LRRTM4: variants seen among roughly 807,000 people sequenced by gnomAD.
The protein encoded by LRRTM4 is leucine rich repeat transmembrane neuronal 4.
In LRRTM4, 25 loss-of-function variants were observed where a neutral mutation model predicts 47.6. The ratio of observed to expected loss-of-function variants is 0.53; its 90% CI spans 0.38 to 0.73. The LOEUF (loss-of-function observed/expected upper bound fraction) is 0.73, where lower values mean the gene tolerates loss of function less well. Ranked by LOEUF, LRRTM4 falls within the 30% of genes least tolerant of loss-of-function variation. The pLI is 0.00. For synonymous variants in LRRTM4, 311 were observed against 269.5 expected (o/e 1.15, Z -1.51); for missense variants, 638 against 713.4 (o/e 0.89, Z 1.20).
intron 3 of LRRTM4, among the ~76,000 whole-genome samples, chr2:76,925,869 T>G (rs1674574396): frequency 6.6e-6 from 1 of 152,168 alleles, no homozygotes; most frequent in African/African-American, 2.4e-5. Flanking sequence ...CCTCACACAG[T>G]ATTTATAATG....
intron 3 of LRRTM4, among the ~76,000 whole-genome samples, chr2:77,493,183 G>A (rs1384219080): frequency 6.6e-6 from 1 of 152,048 alleles, no homozygotes; most frequent in African/African-American, 2.4e-5. Flanking sequence ...TGTTAAATAC[G>A]TTCATTATGC....
chr2:76,882,790 TCCA>T (rs1195312343), intron 3 of LRRTM4, among the ~76,000 whole-genome samples: 2 of 152,000 alleles, frequency 1.3e-5, no homozygotes, highest in Non-Finnish European at 2.9e-5. Flanking sequence ...GTCTCCACCA[TCCA>T]CCAGGTCTCA....
chr2:76,899,954 T>TG (rs565087486), intron 3 of LRRTM4, among the ~76,000 whole-genome samples: 2,477 of 152,162 alleles, frequency 0.016, 23 homozygotes, highest in Non-Finnish European at 0.028. Context: ...AGACACCAGG[T>TG]GCGGTGGCTC....
Position 77,519,921 on chromosome 2 carries a change from G to T in LRRTM4, c.5-57C>A, listed in dbSNP as rs535771873. ...TGTGAAGCTATTAAAATAAATCACC[G>T]TCGGTTTACCAACAACAGGGGCATT... On this transcript the variant is annotated intron_variant, in intron 2 of 3. Coordinates refer to ENST00000409884, the MANE Select transcript of LRRTM4 (RefSeq NM_001134745.3). The surrounding 1 kb of genome is among the most constrained non-coding windows in gnomAD (Gnocchi z 4.6). The T allele has an allele frequency of 1.4e-6, 2 of 1,479,096 alleles. No individual in the cohort carries two copies. The highest frequency in any genetic ancestry group is 2.8e-5 in the South Asian group (2 of 71,160). 91.6% of individuals were successfully genotyped at this position (1,479,096 alleles called of 1,614,324 possible). A position where few individuals can be genotyped will look rare whatever the true frequency, so the allele number is the denominator to read the frequency against.
At chr2:76,803,669 G>T (rs974689363) in intron 3 of LRRTM4, among the ~76,000 whole-genome samples, 1 of 152,094 alleles carries the variant, frequency 6.6e-6, no homozygotes, top group African/African-American at 2.4e-5. Context: ...TTGAAGAAAA[G>T]AGTTAACATG....
chr2:76,918,801 A>C (rs901699262), intron 3 of LRRTM4, among the ~76,000 whole-genome samples: 2 of 152,312 alleles, frequency 1.3e-5, no homozygotes, highest in East Asian at 3.9e-4. Context: ...AAGTCTTCAG[A>C]AGAAATCCTT....
intron 3 of LRRTM4, among the ~76,000 whole-genome samples, chr2:76,851,872 T>C (rs1252010261): frequency 6.6e-6 from 1 of 151,752 alleles, no homozygotes; most frequent in African/African-American, 2.4e-5. Flanking sequence ...TCCTGAATTA[T>C]GCTAAAATTT....
intron 3 of LRRTM4, among the ~76,000 whole-genome samples, chr2:77,033,835 A>G (rs1423387894): frequency 6.6e-6 from 1 of 151,886 alleles, no homozygotes; most frequent in Non-Finnish European, 1.5e-5. Context: ...ATTAACTTAT[A>G]AAGGAGGAGA....
intron 3 of LRRTM4, among the ~76,000 whole-genome samples, chr2:77,131,450 T>C (rs1015852670): frequency 6.6e-6 from 1 of 152,218 alleles, no homozygotes; most frequent in Non-Finnish European, 1.5e-5. Context: ...ACAGAATTGA[T>C]GGAGTTAGCC....
At chr2:76,954,690 C>T (rs553076694) in intron 3 of LRRTM4, among the ~76,000 whole-genome samples, 2 of 151,732 alleles carry the variant, frequency 1.3e-5, no homozygotes, top group South Asian at 4.2e-4. Flanking sequence ...TTGAAAAACC[C>T]AGTGAATTAG....
At chr2:77,065,677 A>G (rs1331578276) in intron 3 of LRRTM4, among the ~76,000 whole-genome samples, 2 of 152,188 alleles carry the variant, frequency 1.3e-5, no homozygotes, top group African/African-American at 4.8e-5. Context: ...AACAGAGTGT[A>G]ACACAGGAAC....
chr2:76,916,661 A>G (rs1229902784), intron 3 of LRRTM4, among the ~76,000 whole-genome samples: 1 of 152,096 alleles, frequency 6.6e-6, no homozygotes, highest in East Asian at 1.9e-4. Context: ...AAACAAACCA[A>G]TGCAAGTTAA....
At chr2:76,867,101 A>T (rs1672490280) in intron 3 of LRRTM4, among the ~76,000 whole-genome samples, 1 of 152,140 alleles carries the variant, frequency 6.6e-6, no homozygotes, top group South Asian at 2.1e-4. Flanking sequence ...GAACATTAGG[A>T]CAAATACCTA....
At chr2:77,164,658 C>T (rs1186464485) in intron 3 of LRRTM4, among the ~76,000 whole-genome samples, 1 of 152,174 alleles carries the variant, frequency 6.6e-6, no homozygotes, top group African/African-American at 2.4e-5. Flanking sequence ...GATTAAGAAA[C>T]CCACTCAAAA....
At chr2:76,954,078 G>C (rs996841791) in intron 3 of LRRTM4, among the ~76,000 whole-genome samples, 1 of 151,874 alleles carries the variant, frequency 6.6e-6, no homozygotes, top group Admixed American at 6.6e-5. Context: ...AGGCAGGCTG[G>C]GGGTGGTCTT....
At chr2:77,156,498 G>A (rs1168227305) in intron 3 of LRRTM4, among the ~76,000 whole-genome samples, 1 of 151,984 alleles carries the variant, frequency 6.6e-6, no homozygotes, top group African/African-American at 2.4e-5. Flanking sequence ...AGAGCTTTAT[G>A]TAGTAAAAGG....
chr2:77,519,364 G>A lies in LRRTM4; in HGVS notation c.505C>T (p.Leu169=), dbSNP rs1387270837. Residue 169 remains leucine (L), a synonymous_variant, in exon 3 of 4, where the codon CTA becomes TTA. Transcript: ENST00000409884. This position sits in a 1 kb window ranked among gnomAD's most constrained non-coding sequence, Gnocchi z 4.6. ...AAAACTCTTATGGGCACAGTCTTTAGTGAGTTAGATCTCAAGTGCAAAATG... is the reference window on the plus strand; with the variant it reads ...AAAACTCTTATGGGCACAGTCTTTAATGAGTTAGATCTCAAGTGCAAAATG... ...LIILHLRSNS[L]KTVPIRVFQD... The A allele has an allele frequency of 3.1e-6, 5 of 1,613,292 alleles. No homozygotes were observed. The highest frequency in any genetic ancestry group is 3.4e-6 in the Non-Finnish European group (4 of 1,179,604).
At chr2:76,781,938 G>C (rs1218515830) in intron 3 of LRRTM4, among the ~76,000 whole-genome samples, 1 of 152,130 alleles carries the variant, frequency 6.6e-6, no homozygotes, top group East Asian at 1.9e-4. Flanking sequence ...TGCTTCTGCT[G>C]TTATATTATC....
At chr2:77,269,415 T>A (rs1335832393) in intron 3 of LRRTM4, among the ~76,000 whole-genome samples, 1 of 152,120 alleles carries the variant, frequency 6.6e-6, no homozygotes, top group Non-Finnish European at 1.5e-5. Flanking sequence ...AGAAATAAGA[T>A]AATTACAAAA....
Sources: allele counts gnomAD v4.1 joint callset (sites outside exome capture counted in the v4.1 genomes callset), GRCh38; gene constraint gnomAD v4.1.1; non-coding constraint Gnocchi (gnomAD v3.1); transcripts MANE v1.5; gene names NCBI Gene and HGNC (gene_info 2026-07-23, HGNC 2026-07-21).